Variants in AKAP13 observed in about 807,000 individuals in gnomAD.
The protein encoded by AKAP13 is A-kinase anchoring protein 13, also known as A-kinase anchor protein 13.
Under a neutral mutation model 264.5 loss-of-function variants are expected in AKAP13, and 80 were observed. That is an observed-to-expected ratio of 0.30 (90% CI 0.25 to 0.36). The LOEUF (loss-of-function observed/expected upper bound fraction) is 0.36, where lower values mean the gene tolerates loss of function less well. AKAP13 is among the 10% of genes least tolerant of loss of function. AKAP13 has a pLI of 1.00. For synonymous variants in AKAP13, 1,380 were observed against 1,250.2 expected (o/e 1.10, Z -2.19); for missense variants, 3,712 against 3,435.2 (o/e 1.08, Z -2.01).
At chr15:85,384,743 C>G (rs2070467870) in intron 1 of AKAP13, among the ~76,000 whole-genome samples, 3 of 150,220 alleles carry the variant, frequency 2.0e-5, no homozygotes, top group Admixed American at 2.0e-4. Flanking sequence ...AGGTTTGTTT[C>G]ATGCATCTGT....
At chr15:85,463,662 C>T (rs2074610170) in intron 1 of AKAP13, among the ~76,000 whole-genome samples, 1 of 152,198 alleles carries the variant, frequency 6.6e-6, no homozygotes, top group Admixed American at 6.5e-5. Context: ...TTTCCTGCTA[C>T]CCTCTTCTTG....
chr15:85,619,673 C>G (rs745937822), intron 8 of AKAP13: 21 of 989,404 alleles, frequency 2.1e-5, no homozygotes, highest in Non-Finnish European at 2.5e-5. Context: ...TTATTGCCTT[C>G]TTGGGTTTTT....
At chr15:85,739,045 G>A (rs1464924943) in intron 33 of AKAP13, among the ~76,000 whole-genome samples, 1 of 152,148 alleles carries the variant, frequency 6.6e-6, no homozygotes, top group Non-Finnish European at 1.5e-5. Context: ...TACAAAGCAT[G>A]CTGTTGCACA....
intron 8 of AKAP13, among the ~76,000 whole-genome samples, chr15:85,626,434 C>G (rs1567162427): frequency 6.8e-6 from 1 of 147,916 alleles, no homozygotes; most frequent in Non-Finnish European, 1.5e-5. Context: ...AGTTTGGCAA[C>G]TACCGTTCTA....
At chr15:85,691,598 A>G (rs2085290556) in intron 16 of AKAP13, among the ~76,000 whole-genome samples, 1 of 152,190 alleles carries the variant, frequency 6.6e-6, no homozygotes, top group African/African-American at 2.4e-5. Flanking sequence ...ACATTCCTGC[A>G]GTATTCTTAA....
rs139777491 is a variant in AKAP13, at chr15:85,687,000, C to G, written c.5289+2127C>G. Among the ~76,000 whole-genome samples, 943 of 152,270 alleles carry G rather than the reference C, an allele frequency of 6.2e-3. 10 individuals are homozygous for G. Among genetic ancestry groups the G allele is most frequent in the African/African-American group, 0.021 (886 of 41,552 alleles). On this transcript the variant is annotated intron_variant, in intron 16 of 36. Transcript: ENST00000394518. ...ACCAATAAATAAGTGGAGATTCCCC[C>G]TTTCTAGCCATCTCCCCAATGTCAT...
At chr15:85,434,746 C>T (rs34627782) in intron 1 of AKAP13, among the ~76,000 whole-genome samples, 38,259 of 151,786 alleles carry the variant, frequency 0.25, 6,395 homozygotes, top group Non-Finnish European at 0.37. Flanking sequence ...TCTAACAGAC[C>T]TGCAGCTGAG....
Position 85,718,920 on chromosome 15 carries a change from A to G in AKAP13, c.6002-156A>G. The G allele has an allele frequency of 9.0e-7, 1 of 1,112,780 alleles. No individual in the cohort carries two copies. Among genetic ancestry groups the G allele is most frequent in the South Asian group, 1.6e-5 (1 of 61,312 alleles). 68.9% of individuals were successfully genotyped at this position (1,112,780 alleles called of 1,614,324 possible). A position where few individuals can be genotyped will look rare whatever the true frequency, so the allele number is the denominator to read the frequency against. On this transcript the variant is annotated intron_variant, in intron 22 of 36. Transcript: ENST00000394518. This position sits in a 1 kb window ranked among gnomAD's most constrained non-coding sequence, Gnocchi z 4.9. ...TCTTAAAAAAAAAACAAAAAAACAA[A>G]AAAACGAGAACACTTTTAGGGGAAA...
chr15:85,578,372 A>C (rs2151304328), intron 6 of AKAP13, among the ~76,000 whole-genome samples: 1 of 152,168 alleles, frequency 6.6e-6, no homozygotes, highest in African/African-American at 2.4e-5. Context: ...TTTAAGACGG[A>C]GTTTTGCTCT....
intron 8 of AKAP13, among the ~76,000 whole-genome samples, chr15:85,600,502 G>C (rs2080012404): frequency 6.6e-6 from 1 of 152,076 alleles, no homozygotes; most frequent in African/African-American, 2.4e-5. Flanking sequence ...TTACTTGGAG[G>C]AAATTTCAAC....
intron 30 of AKAP13, among the ~76,000 whole-genome samples, chr15:85,734,085 G>T (rs542169882): frequency 6.6e-6 from 1 of 151,702 alleles, no homozygotes; most frequent in Middle Eastern, 3.2e-3. Flanking sequence ...TGCCCGCCTC[G>T]GCCTCCCGAA....
chr15:85,558,420 A>T (rs1156331577), intron 5 of AKAP13, among the ~76,000 whole-genome samples: 1 of 152,264 alleles, frequency 6.6e-6, no homozygotes, highest in African/African-American at 2.4e-5. Context: ...ACGCAAGGTC[A>T]TTAGAAGCTT....
At chr15:85,518,021 C>T (rs1018537306) in intron 2 of AKAP13, among the ~76,000 whole-genome samples, 5 of 152,132 alleles carry the variant, frequency 3.3e-5, no homozygotes, top group African/African-American at 4.8e-5. Context: ...GAATATTGCC[C>T]TTGTTAATAA....
chr15:85,390,922 A>C (rs2150803586), intron 1 of AKAP13, among the ~76,000 whole-genome samples: 1 of 152,308 alleles, frequency 6.6e-6, no homozygotes, highest in South Asian at 2.1e-4. Context: ...AGATCTGTGA[A>C]ATTTTTAAGT....
intron 7 of AKAP13, chr15:85,582,848 TG>T: frequency 2.0e-6 from 2 of 985,238 alleles, no homozygotes; most frequent in Non-Finnish European, 2.4e-6. Context: ...GCTGAGCTGC[TG>T]TCACAGGGCA....
intron 5 of AKAP13, among the ~76,000 whole-genome samples, chr15:85,547,960 A>G (rs893451624): frequency 6.6e-6 from 1 of 152,188 alleles, no homozygotes; most frequent in Non-Finnish European, 1.5e-5. Flanking sequence ...AGAATAGGTA[A>G]AGACCCCAGT....
At position 85,743,220 on chromosome 15, in the gene AKAP13, G is replaced by T. The variant is rs557440860; in HGVS notation, c.8059-272G>T. 4.3e-4 allele frequency among the ~76,000 whole-genome samples: 65 copies of T among 152,186 alleles called. 1 individual carries two copies. The South Asian group carries it at 0.012, about 29-fold the overall frequency. On this transcript the variant is annotated intron_variant, in intron 35 of 36. Coordinates refer to ENST00000394518, the MANE Select transcript of AKAP13 (RefSeq NM_007200.5). ...AGTCGCCCCATCAAAGGTACTATTG[G>T]TTTTTTACAACGCCGGCGTTTGTGT...
At chr15:85,657,034 T>C (rs1455794246) in intron 11 of AKAP13, among the ~76,000 whole-genome samples, 1 of 152,120 alleles carries the variant, frequency 6.6e-6, no homozygotes, top group Non-Finnish European at 1.5e-5. Flanking sequence ...TGGTCCCAGC[T>C]ACTCGAGAGG....
chr15:85,605,749 CA>C (rs1437750750), intron 8 of AKAP13, among the ~76,000 whole-genome samples: 1 of 152,144 alleles, frequency 6.6e-6, no homozygotes, highest in Admixed American at 6.5e-5. Flanking sequence ...TTATGGAACC[CA>C]CCCAAACTTC....
Sources: gnomAD v4.1 joint callset for allele counts (sites outside exome capture counted in the v4.1 genomes callset) on GRCh38, gnomAD v4.1.1 for gene constraint, Gnocchi (gnomAD v3.1) non-coding constraint, MANE v1.5 for transcripts, NCBI Gene and HGNC (gene_info 2026-07-23, HGNC 2026-07-21) for gene names.